ESR1: variants seen among roughly 807,000 people sequenced by gnomAD.
ESR1 encodes estrogen receptor 1.
ESR1 carries 12 observed loss-of-function variants against 52.7 expected under a neutral mutation model. The ratio of observed to expected loss-of-function variants is 0.23; its 90% CI spans 0.15 to 0.37. ESR1 has a LOEUF of 0.37. Ranked by LOEUF, ESR1 falls within the 10% of genes least tolerant of loss-of-function variation. The pLI, the probability that ESR1 is intolerant of heterozygous loss-of-function variation, is 1.00. For missense variants in ESR1, 584 were observed against 779.7 expected, an observed-to-expected ratio of 0.75 and a Z score of 2.99; for synonymous variants, 305 against 316.8, an observed-to-expected ratio of 0.96 and a Z score of 0.39.
intron 2 of ESR1, among the ~76,000 whole-genome samples, chr6:151,706,038 G>A (rs913083838): frequency 1.3e-5 from 2 of 152,196 alleles, no homozygotes; most frequent in Non-Finnish European, 2.9e-5. Flanking sequence ...GAAGCTGTGT[G>A]TGTACAACAA....
Position 151,777,267 on chromosome 6 carries a change from G to C in ESR1, c.-70-30576G>C, listed in dbSNP as rs1356765178. Among the ~76,000 whole-genome samples, 5 of 151,498 alleles carry C rather than the reference G, an allele frequency of 3.3e-5. No individual in the cohort carries two copies. In the East Asian group the frequency reaches 9.8e-4, roughly 30 times the overall value. ...TGATTACCTGGGATTACAGGCACCT[G>C]CCACCAAGCCTGGCTAATTTTTTGT... On this transcript the variant is annotated intron_variant, in intron 2 of 2. Transcript: ENST00000404742.
At chr6:151,677,108 C>T (rs542591570) in intron 1 of ESR1, among the ~76,000 whole-genome samples, 3 of 152,182 alleles carry the variant, frequency 2.0e-5, no homozygotes, top group Non-Finnish European at 4.4e-5. Flanking sequence ...GCCTCAGCCT[C>T]TCCAGTAGCT....
chr6:151,667,627 G>A (rs1777876808), intron 1 of ESR1, among the ~76,000 whole-genome samples: 1 of 152,218 alleles, frequency 6.6e-6, no homozygotes, highest in African/African-American at 2.4e-5. Context: ...AACTGTGACT[G>A]CCTGGAGACT....
chr6:152,048,366 A>G (rs79699562), intron 5 of ESR1, among the ~76,000 whole-genome samples: 1 of 150,944 alleles, frequency 6.6e-6, no homozygotes, highest in Non-Finnish European at 1.5e-5. Context: ...CATCTCAAAA[A>G]AAAAAAAAAA....
At chr6:152,030,705 C>G (rs1160490727) in intron 5 of ESR1, among the ~76,000 whole-genome samples, 1 of 152,258 alleles carries the variant, frequency 6.6e-6, no homozygotes, top group Admixed American at 6.5e-5. Context: ...TTTAACATCC[C>G]ACTGTCAACA....
At chr6:151,731,941 A>C (rs1201065807) in intron 2 of ESR1, among the ~76,000 whole-genome samples, 1 of 152,204 alleles carries the variant, frequency 6.6e-6, no homozygotes, top group Admixed American at 6.5e-5. Context: ...TCCACTGTGA[A>C]GTAGAAGACA....
chr6:151,811,858 A>G (rs1056260867), intron 1 of ESR1, among the ~76,000 whole-genome samples: 1 of 152,058 alleles, frequency 6.6e-6, no homozygotes, highest in Non-Finnish European at 1.5e-5. Context: ...TTCAATCCCC[A>G]TTTCATTTTC....
chr6:151,682,123 G>T (rs75453684), intron 1 of ESR1, among the ~76,000 whole-genome samples: 2,197 of 152,224 alleles, frequency 0.014, 22 homozygotes, highest in East Asian at 0.031. Flanking sequence ...CAGGTTTTTT[G>T]ATTTTCACAT....
chr6:151,694,599 C>A (rs1779189434), intron 1 of ESR1, among the ~76,000 whole-genome samples: 1 of 152,048 alleles, frequency 6.6e-6, no homozygotes, highest in Non-Finnish European at 1.5e-5. Context: ...ACCAGCCTGG[C>A]CAACACGGTG....
At chr6:151,759,993 A>G (rs1052711189) in intron 2 of ESR1, among the ~76,000 whole-genome samples, 1 of 152,200 alleles carries the variant, frequency 6.6e-6, no homozygotes, top group African/African-American at 2.4e-5. Context: ...TATCCTACAG[A>G]TTAGTCTATG....
chr6:151,678,085 G>A (rs777922367), intron 1 of ESR1, among the ~76,000 whole-genome samples: 14 of 152,188 alleles, frequency 9.2e-5, no homozygotes, highest in Non-Finnish European at 1.6e-4. Context: ...GTGTTGCGTG[G>A]AACAGATGGA....
chr6:151,997,076 AAAAACAAAAAAAAAACAAAGCAACAC>A (rs1198429179), intron 4 of ESR1, among the ~76,000 whole-genome samples: 2 of 148,330 alleles, frequency 1.3e-5, no homozygotes, highest in Non-Finnish European at 3.0e-5. Context: ...TGGCCAAAAC[AAAAACAAAAAAAAAACAAAGCAACAC>A]AAAACAAAAA....
intron 4 of ESR1, among the ~76,000 whole-genome samples, chr6:152,002,493 C>T (rs1327459216): frequency 1.3e-5 from 2 of 151,932 alleles, no homozygotes. Context: ...AATGTATGTT[C>T]CAAGGTACAA....
At chr6:151,951,031 G>A (rs2036267663) in intron 4 of ESR1, among the ~76,000 whole-genome samples, 1 of 151,940 alleles carries the variant, frequency 6.6e-6, no homozygotes, top group African/African-American at 2.4e-5. Context: ...TCACTGAACA[G>A]GCTTAGAAGT....
At chr6:151,914,121 T>C (rs988623975) in intron 3 of ESR1, among the ~76,000 whole-genome samples, 2 of 152,112 alleles carry the variant, frequency 1.3e-5, no homozygotes. Flanking sequence ...CCCATCATTT[T>C]CTGTGAGCCA....
intron 2 of ESR1, among the ~76,000 whole-genome samples, chr6:151,749,719 A>C (rs554625082): frequency 5.9e-4 from 90 of 152,272 alleles, no homozygotes; most frequent in African/African-American, 2.1e-3. Context: ...GAAGGGGATC[A>C]CGGAGCTAGG....
chr6:151,958,860 A>G (rs1034712680), intron 4 of ESR1, among the ~76,000 whole-genome samples: 1 of 152,204 alleles, frequency 6.6e-6, no homozygotes, highest in Non-Finnish European at 1.5e-5. Context: ...GCGAGCCAAC[A>G]GCTTTGATGT....
chr6:152,017,082 G>A (rs2043225054), intron 5 of ESR1, among the ~76,000 whole-genome samples: 2 of 152,148 alleles, frequency 1.3e-5, no homozygotes, highest in African/African-American at 4.8e-5. Flanking sequence ...ACTTACCCTA[G>A]TCTTTTCTTG....
At chr6:151,824,061 T>C (rs1193765835) in intron 1 of ESR1, among the ~76,000 whole-genome samples, 3 of 152,160 alleles carry the variant, frequency 2.0e-5, no homozygotes, top group African/African-American at 7.2e-5. Flanking sequence ...ACTTCCACAA[T>C]GGTTGAACTA....
Sources: gnomAD v4.1 joint callset for allele counts (sites outside exome capture counted in the v4.1 genomes callset) on GRCh38, gnomAD v4.1.1 for gene constraint, MANE v1.5 for transcripts, NCBI Gene and HGNC (gene_info 2026-07-23, HGNC 2026-07-21) for gene names.